The following ZNF609 variants were observed in gnomAD, a reference collection of about 807,000 sequenced individuals.
ZNF609 encodes zinc finger protein 609.
ZNF609 carries 11 observed loss-of-function variants against 109.5 expected under a neutral mutation model. The observed-to-expected ratio is 0.10, with a 90% confidence interval of 0.06 to 0.17. The LOEUF is 0.17. Ranked by LOEUF, ZNF609 falls within the 10% of genes least tolerant of loss-of-function variation. ZNF609 has a pLI of 1.00. For synonymous variants in ZNF609, 646 were observed against 662.0 expected (o/e 0.98, Z 0.37); for missense variants, 1,559 against 1,772.4 (o/e 0.88, Z 2.16).
chr15:64,479,260 A>C (rs1893214177), intron 1 of ZNF609, among the ~76,000 whole-genome samples: 1 of 151,282 alleles, frequency 6.6e-6, no homozygotes, highest in Admixed American at 6.6e-5. Flanking sequence ...GCCAATAACA[A>C]AACCTATATA....
At chr15:64,672,259 G>T (rs1222240956) in intron 4 of ZNF609, among the ~76,000 whole-genome samples, 4 of 149,188 alleles carry the variant, frequency 2.7e-5, no homozygotes, top group Non-Finnish European at 4.5e-5. Context: ...TGATCCTCCC[G>T]CCTCGGCCTC....
At chr15:64,651,919 T>G (rs1173745765) in intron 3 of ZNF609, among the ~76,000 whole-genome samples, 1 of 152,004 alleles carries the variant, frequency 6.6e-6, no homozygotes, top group African/African-American at 2.4e-5. Context: ...TCTCTCACTA[T>G]CTCATTAACC....
chr15:64,536,464 G>T (rs1894145002), intron 2 of ZNF609, among the ~76,000 whole-genome samples: 1 of 151,928 alleles, frequency 6.6e-6, no homozygotes, highest in Non-Finnish European at 1.5e-5. Flanking sequence ...AATCAACTAG[G>T]GTTCGTTTCT....
chr15:64,620,742 C>CA, intron 2 of ZNF609, among the ~76,000 whole-genome samples: 1 of 152,222 alleles, frequency 6.6e-6, no homozygotes, highest in Non-Finnish European at 1.5e-5. Flanking sequence ...TCTGTGGACT[C>CA]ACAATGATGA....
intron 2 of ZNF609, among the ~76,000 whole-genome samples, chr15:64,600,556 A>T (rs1349532448): frequency 6.6e-6 from 1 of 151,158 alleles, no homozygotes; most frequent in Non-Finnish European, 1.5e-5. Context: ...GAATCACTTA[A>T]ACCCGGGAGG....
In ZNF609 at chr15:64,588,442, A is replaced by AAAAAAAAAAAAAAAAAAAAAAAAAG. The variant is rs71133451; in HGVS notation, c.748-34383_748-34382insAAAAAAAAAAAAAAAAAAAAAAGAA. On this transcript the variant is annotated intron_variant, in intron 2 of 9. Transcript: ENST00000326648. ...CACTCTGTCTAAAAAAAAAAAAAAA[A>AAAAAAAAAAAAAAAAAAAAAAAAAG]AAGAAGAGGAAGACTGTACAGACTA... Among the ~76,000 whole-genome samples the AAAAAAAAAAAAAAAAAAAAAAAAAG allele has an allele frequency of 7.3e-4, 55 of 75,272 alleles. 17 individuals carry two copies. Among genetic ancestry groups the AAAAAAAAAAAAAAAAAAAAAAAAAG allele is most frequent in the East Asian group, 6.3e-3 (11 of 1,734 alleles). 49.4% of individuals were successfully genotyped at this position (75,272 alleles called of 152,430 possible).
chr15:64,468,046 C>G lies in ZNF609; in HGVS notation c.-128+7208C>G, dbSNP rs1266332842. On this transcript the variant is annotated intron_variant, in intron 1 of 9. Transcript: ENST00000326648. The stretch of plus-strand genomic sequence containing the variant: ...TTCTTTTTTGAGGCAGGGCCTTGCT[C>G]TGTCACCAGGCTGGAGCATAGTGAC... Among the ~76,000 whole-genome samples, 6 of 149,130 alleles carry G rather than the reference C, an allele frequency of 4.0e-5. No homozygotes were observed. The East Asian group carries it at 1.2e-3, about 29-fold the overall frequency.
chr15:64,575,030 G>A (rs1221719685), intron 2 of ZNF609, among the ~76,000 whole-genome samples: 2 of 152,206 alleles, frequency 1.3e-5, no homozygotes, highest in Non-Finnish European at 1.5e-5. Context: ...GTATGTGGCA[G>A]CACAGTATAT....
At chr15:64,613,028 A>C (rs72742957) in intron 2 of ZNF609, among the ~76,000 whole-genome samples, 7,316 of 151,974 alleles carry the variant, frequency 0.048, 235 homozygotes, top group South Asian at 0.086. Context: ...CACAGAAAAG[A>C]AAAGGACCTG....
chr15:64,648,340 A>C (rs1896365462), intron 3 of ZNF609, among the ~76,000 whole-genome samples: 1 of 152,130 alleles, frequency 6.6e-6, no homozygotes, highest in African/African-American at 2.4e-5. Context: ...TTAAAAATAA[A>C]AATTAGCCAG....
In ZNF609 at chr15:64,576,993, CATAA is replaced by C. The variant is rs1312609649; in HGVS notation, c.748-45830_748-45827del. Among the ~76,000 whole-genome samples the C allele has an allele frequency of 1.5e-4, 19 of 129,642 alleles. 1 individual carries two copies. The highest frequency in any genetic ancestry group is 4.3e-4 in the African/African-American group (15 of 35,138). The allele number at this position is 129,642 out of a possible 152,430, so 85.1% of individuals were successfully genotyped here. A position where few individuals can be genotyped will look rare whatever the true frequency, so the allele number is the denominator to read the frequency against. On this transcript the variant is annotated intron_variant, in intron 2 of 9. Transcript: ENST00000326648. Reference sequence around the variant, plus strand: ...ATAAATATATATATGTATGTATACACATAAATATATATATGTATGTATACACATA... The same window carrying C: ...ATAAATATATATATGTATGTATACACATATATATATGTATGTATACACATA...
chr15:64,508,783 T>C (rs1893672876), intron 2 of ZNF609, among the ~76,000 whole-genome samples: 1 of 150,956 alleles, frequency 6.6e-6, no homozygotes, highest in South Asian at 2.1e-4. Flanking sequence ...CAACCTCCCA[T>C]GCTCAAGTGA....
chr15:64,479,385 G>T (rs1015368949), intron 1 of ZNF609, among the ~76,000 whole-genome samples: 3 of 129,916 alleles, frequency 2.3e-5, no homozygotes, highest in African/African-American at 8.7e-5. Context: ...TCTGCCTCCC[G>T]GATTCACACC....
At chr15:64,663,407 T>C (rs1346460146) in intron 3 of ZNF609, among the ~76,000 whole-genome samples, 1 of 152,096 alleles carries the variant, frequency 6.6e-6, no homozygotes, top group African/African-American at 2.4e-5. Context: ...GCAAGTTGTT[T>C]TTGTTGTTCT....
intron 2 of ZNF609, among the ~76,000 whole-genome samples, chr15:64,530,034 GT>G (rs912871135): frequency 2.7e-5 from 4 of 150,892 alleles, no homozygotes; most frequent in South Asian, 4.2e-4. Flanking sequence ...CCTGGCCTTG[GT>G]TTTTTTTTAA....
rs1313311729 is a variant in ZNF609 at position 64,676,198 on chromosome 15, A to C, written c.3344A>C (p.Lys1115Thr). Residue 1115 changes from lysine (K) to threonine (T), a missense_variant, in exon 5 of 10, where the codon AAG becomes ACG. By Grantham distance (78) the Lys-to-Thr change is moderately conservative. Transcript: ENST00000326648. ...SHLSKEASEAKTGAECGRQAE... is the reference protein window; with the variant it reads ...SHLSKEASEATTGAECGRQAE... ...CTAAGCAAGGAGGCCTCTGAGGCCAAGACAGGTGCTGAGTGTGGTCGACAG... is the reference window on the plus strand; with the variant it reads ...CTAAGCAAGGAGGCCTCTGAGGCCACGACAGGTGCTGAGTGTGGTCGACAG... 6.2e-7 allele frequency: 1 copy of C among 1,614,172 alleles called. No homozygotes were observed. The highest frequency in any genetic ancestry group is 8.5e-7 in the Non-Finnish European group (1 of 1,179,998).
At chr15:64,644,039 G>A (rs969633310) in intron 3 of ZNF609, among the ~76,000 whole-genome samples, 41 of 152,060 alleles carry the variant, frequency 2.7e-4, no homozygotes, top group Non-Finnish European at 1.0e-4. Context: ...AGGAGGTCAT[G>A]GCTACAGTGA....
At chr15:64,656,412 CAATT>C (rs1358496262) in intron 3 of ZNF609, among the ~76,000 whole-genome samples, 1 of 152,118 alleles carries the variant, frequency 6.6e-6, no homozygotes, top group African/African-American at 2.4e-5. Context: ...CAATCAGTAA[CAATT>C]AACAAATATT....
chr15:64,601,025 T>A (rs1281389880), intron 2 of ZNF609, among the ~76,000 whole-genome samples: 1 of 152,184 alleles, frequency 6.6e-6, no homozygotes, highest in African/African-American at 2.4e-5. Context: ...TTCCCCACAC[T>A]GCAAATCTCT....
Sources: allele counts gnomAD v4.1 joint callset (sites outside exome capture counted in the v4.1 genomes callset), GRCh38; gene constraint gnomAD v4.1.1; transcripts MANE v1.5; gene names NCBI Gene and HGNC (gene_info 2026-07-23, HGNC 2026-07-21).